Variants in LRP1B observed in about 807,000 individuals in gnomAD.
LRP1B encodes the protein low-density lipoprotein receptor-related protein 1B.
Under a neutral mutation model 556.6 loss-of-function variants are expected in LRP1B, and 217 were observed. The ratio of observed to expected loss-of-function variants is 0.39; its 90% CI spans 0.35 to 0.44. LRP1B has a LOEUF of 0.44. LRP1B is among the 20% of genes least tolerant of loss of function. The pLI, the probability that LRP1B is intolerant of heterozygous loss-of-function variation, is 1.00. For synonymous variants in LRP1B, 2,047 were observed against 1,865.8 expected (o/e 1.10, Z -2.50); for missense variants, 5,053 against 5,620.8 (o/e 0.90, Z 3.23).
intron 37 of LRP1B, 64 bp downstream of exon 37, chr2:140,715,909 T>A: frequency 7.4e-7 from 1 of 1,345,194 alleles, no homozygotes; most frequent in Non-Finnish European, 1.0e-6. Context: ...TAATTAGTTT[T>A]TTTTCAATAG....
intron 80 of LRP1B, among the ~76,000 whole-genome samples, chr2:140,325,300 A>G (rs1680415669): frequency 6.6e-6 from 1 of 152,120 alleles, no homozygotes; most frequent in Admixed American, 6.6e-5. Flanking sequence ...CTGGTGGTAG[A>G]GTTAAATGGT....
At chr2:140,967,105 T>C (rs971354659) in intron 18 of LRP1B, among the ~76,000 whole-genome samples, 2 of 152,210 alleles carry the variant, frequency 1.3e-5, no homozygotes, top group Non-Finnish European at 2.9e-5. Flanking sequence ...TTGATGGGGA[T>C]GGCATTAAAT....
intron 79 of LRP1B, 117 bp downstream of exon 79, chr2:140,334,336 T>C: frequency 1.5e-6 from 1 of 660,558 alleles, no homozygotes; most frequent in Non-Finnish European, 2.6e-6. Flanking sequence ...AATCATACTC[T>C]AAATAGTTTT....
At chr2:141,140,283 A>G (rs780839936) in intron 7 of LRP1B, among the ~76,000 whole-genome samples, 9 of 152,132 alleles carry the variant, frequency 5.9e-5, no homozygotes, top group Non-Finnish European at 1.0e-4. Context: ...ATATTTCATC[A>G]CGTCTTTCAA....
At chr2:141,145,880 G>A (rs1701770153) in intron 7 of LRP1B, among the ~76,000 whole-genome samples, 1 of 148,994 alleles carries the variant, frequency 6.7e-6, no homozygotes, top group African/African-American at 2.5e-5. Flanking sequence ...TCTTTTACAA[G>A]GTTTTAGTGT....
At chr2:141,990,056 T>C (rs1266583912) in intron 1 of LRP1B, among the ~76,000 whole-genome samples, 3 of 152,128 alleles carry the variant, frequency 2.0e-5, no homozygotes, top group South Asian at 2.1e-4. Context: ...TGAAATTCTA[T>C]GATTCTTTAA....
At chr2:140,608,358 G>C (rs1219428141) in intron 41 of LRP1B, among the ~76,000 whole-genome samples, 1 of 152,232 alleles carries the variant, frequency 6.6e-6, no homozygotes, top group Non-Finnish European at 1.5e-5. Flanking sequence ...CTGTGCAACT[G>C]TTGATCACCT....
At chr2:141,645,242 T>C (rs1283369455) in intron 2 of LRP1B, among the ~76,000 whole-genome samples, 2 of 152,066 alleles carry the variant, frequency 1.3e-5, no homozygotes, top group Non-Finnish European at 2.9e-5. Context: ...AGTGGGAATT[T>C]ATTGTTGGGA....
At chr2:140,835,786 G>T (rs1439453505) in intron 31 of LRP1B, among the ~76,000 whole-genome samples, 1 of 152,108 alleles carries the variant, frequency 6.6e-6, no homozygotes, top group African/African-American at 2.4e-5. Flanking sequence ...TGATCCACCT[G>T]CCTCAGCCTC....
intron 28 of LRP1B, 46 bp from the exon 29 acceptor site, chr2:140,850,375 T>C: frequency 8.4e-7 from 1 of 1,191,888 alleles, no homozygotes; most frequent in Non-Finnish European, 1.2e-6. Context: ...GTTGGCAAGC[T>C]TGAAAGTCTA....
chr2:141,516,100 G>A (rs1574034854), intron 2 of LRP1B, among the ~76,000 whole-genome samples: 2 of 152,138 alleles, frequency 1.3e-5, no homozygotes, highest in East Asian at 3.9e-4. Flanking sequence ...TCATTACAGA[G>A]ATTTCATCTA....
rs61143509 is a variant in LRP1B, at chr2:142,085,991, C to G, written c.82+44657G>C. ...CCCTTACTGTCTATAGGGTTAATTA[C>G]TCTTTAACCTACTACAGGGTGATAC... is the stretch of plus-strand genomic sequence containing the variant. On this transcript the variant is annotated intron_variant, in intron 1 of 90. Transcript: ENST00000389484. 4.6e-3 allele frequency among the ~76,000 whole-genome samples: 705 copies of G among 152,256 alleles called. 5 individuals are homozygous for G. Among genetic ancestry groups the G allele is most frequent in the African/African-American group, 0.016 (646 of 41,534 alleles).
At chr2:140,477,435 C>T (rs1187884257) in intron 59 of LRP1B, among the ~76,000 whole-genome samples, 2 of 151,972 alleles carry the variant, frequency 1.3e-5, no homozygotes, top group Non-Finnish European at 2.9e-5. Flanking sequence ...CACATCCAAA[C>T]TGGTTTAATC....
At chr2:141,387,267 G>A (rs188236897) in intron 3 of LRP1B, among the ~76,000 whole-genome samples, 107 of 151,748 alleles carry the variant, frequency 7.1e-4, no homozygotes, top group Admixed American at 1.6e-3. Context: ...ATAATTTAAG[G>A]AACTATGAAA....
chr2:141,231,941 G>A lies in LRP1B; in HGVS notation c.593-2501C>T. ...GGAGAAAATAGTCTTATCCAGGACTGCCTGAGTATAAACCCACAACAAAAA... is the reference window on the plus strand; with the variant it reads ...GGAGAAAATAGTCTTATCCAGGACTACCTGAGTATAAACCCACAACAAAAA... On this transcript the variant is annotated intron_variant, in intron 5 of 90. Coordinates refer to ENST00000389484, the MANE Select transcript of LRP1B (RefSeq NM_018557.3). Among the ~76,000 whole-genome samples, 2 of 152,158 alleles carry A rather than the reference G, an allele frequency of 1.3e-5. 1 individual carries two copies. Among genetic ancestry groups the A allele is most frequent in the Admixed American group, 1.3e-4 (2 of 15,270 alleles).
intron 7 of LRP1B, among the ~76,000 whole-genome samples, chr2:141,112,240 C>T (rs777496355): frequency 4.6e-5 from 7 of 152,050 alleles, no homozygotes; most frequent in African/African-American, 9.7e-5. Context: ...CATGAACATG[C>T]TCAGAAATCA....
At chr2:140,640,533 C>A (rs1684254924) in intron 41 of LRP1B, among the ~76,000 whole-genome samples, 1 of 150,110 alleles carries the variant, frequency 6.7e-6, no homozygotes, top group Non-Finnish European at 1.5e-5. Flanking sequence ...GTAGCTGGGA[C>A]TACAGGCGCC....
intron 43 of LRP1B, among the ~76,000 whole-genome samples, chr2:140,593,674 G>A (rs998368172): frequency 6.6e-6 from 1 of 151,492 alleles, no homozygotes. Flanking sequence ...TGAACTGTGC[G>A]GACTTGTATT....
At chr2:141,313,165 G>T (rs1686876859) in intron 3 of LRP1B, among the ~76,000 whole-genome samples, 1 of 151,776 alleles carries the variant, frequency 6.6e-6, no homozygotes, top group Non-Finnish European at 1.5e-5. Flanking sequence ...TTAAAGACTT[G>T]GCCTCATTCT....
Sources: allele counts gnomAD v4.1 joint callset (sites outside exome capture counted in the v4.1 genomes callset), GRCh38; gene constraint gnomAD v4.1.1; transcripts MANE v1.5; gene names NCBI Gene and HGNC (gene_info 2026-07-23, HGNC 2026-07-21).